Variants in SOX6 observed in about 807,000 individuals in gnomAD.
SOX6 encodes the protein SRY-box transcription factor 6.
In SOX6, 11 loss-of-function variants were observed where a neutral mutation model predicts 97.8. The ratio of observed to expected loss-of-function variants is 0.11; its 90% CI spans 0.07 to 0.19. SOX6 has a LOEUF of 0.19. Among genes scored for constraint, SOX6 ranks in the 10% least tolerant of loss-of-function variants. SOX6 has a pLI of 1.00. For missense variants in SOX6, 810 were observed against 1,039.5 expected, an observed-to-expected ratio of 0.78 and a Z score of 3.04; for synonymous variants, 360 against 371.4, an observed-to-expected ratio of 0.97 and a Z score of 0.35.
intron 4 of SOX6, among the ~76,000 whole-genome samples, chr11:16,567,733 A>ATTTTTTTTT (rs58565035): frequency 7.7e-6 from 1 of 129,634 alleles, no homozygotes; most frequent in Non-Finnish European, 1.6e-5. Flanking sequence ...CGCCTGGCTG[A>ATTTTTTTTT]TTTTTTTTTT....
chr11:16,584,467 C>T (rs1296589182), intron 4 of SOX6, among the ~76,000 whole-genome samples: 2 of 152,196 alleles, frequency 1.3e-5, no homozygotes, highest in Non-Finnish European at 2.9e-5. Context: ...CAGCTGCCCA[C>T]TCAAATAGCA....
rs1386555897 is a variant in SOX6 at position 15,979,327 on chromosome 11, C to A, written c.2184-6215G>T. ...CCCATCTACTTCTTACCACCTCCAC[C>A]CCTACAAACCTGGAACAAACCACCA... On this transcript the variant is annotated intron_variant, in intron 15 of 15. Transcript: ENST00000683767. Among the ~76,000 whole-genome samples, 748 of 151,984 alleles carry A rather than the reference C, an allele frequency of 4.9e-3. 8 individuals are homozygous for A. The South Asian group carries it at 0.051, about 10-fold the overall frequency.
chr11:16,548,473 A>T (rs1402673169), intron 4 of SOX6, among the ~76,000 whole-genome samples: 1 of 152,178 alleles, frequency 6.6e-6, no homozygotes, highest in Non-Finnish European at 1.5e-5. Context: ...AAATGAAGCC[A>T]CAATGGGCCA....
chr11:16,562,048 T>C (rs1847821432), intron 4 of SOX6, among the ~76,000 whole-genome samples: 1 of 152,180 alleles, frequency 6.6e-6, no homozygotes, highest in African/African-American at 2.4e-5. Context: ...TTTTTCACTC[T>C]AATTCTCACA....
intron 3 of SOX6, among the ~76,000 whole-genome samples, chr11:16,251,865 A>C (rs1168579993): frequency 3.9e-5 from 6 of 152,312 alleles, no homozygotes; most frequent in African/African-American, 1.4e-4. Context: ...TTATTCCAGG[A>C]ATGCGAAGTT....
At chr11:16,697,558 C>T (rs560747443) in intron 3 of SOX6, among the ~76,000 whole-genome samples, 141 of 152,226 alleles carry the variant, frequency 9.3e-4, no homozygotes, top group African/African-American at 3.3e-3. Flanking sequence ...TGCTTGAAGC[C>T]GAGATCGCTT....
chr11:16,376,608 T>C (rs1164608153), intron 1 of SOX6, among the ~76,000 whole-genome samples: 1 of 152,248 alleles, frequency 6.6e-6, no homozygotes, highest in East Asian at 1.9e-4. Context: ...AATTGAGTTT[T>C]AAAATCATAG....
intron 4 of SOX6, among the ~76,000 whole-genome samples, chr11:16,217,340 T>C (rs942869946): frequency 2.4e-4 from 37 of 152,158 alleles, no homozygotes; most frequent in Non-Finnish European, 7.4e-5. Context: ...TGAGTAAAAA[T>C]GTGTTCCTGG....
intron 3 of SOX6, among the ~76,000 whole-genome samples, chr11:16,680,876 T>C (rs753465425): frequency 2.6e-4 from 39 of 152,154 alleles, no homozygotes; most frequent in Admixed American, 4.6e-4. Flanking sequence ...CATTACATCA[T>C]GGTAAAGGGA....
intron 1 of SOX6, among the ~76,000 whole-genome samples, chr11:16,410,025 T>G (rs886467204): frequency 6.6e-6 from 1 of 151,852 alleles, no homozygotes; most frequent in African/African-American, 2.4e-5. Flanking sequence ...TGGGGAGGAA[T>G]AGGGAGATGT....
intron 3 of SOX6, among the ~76,000 whole-genome samples, chr11:16,291,264 TATATATATATATAC>T (rs1854905299): frequency 2.0e-5 from 1 of 50,328 alleles, no homozygotes; most frequent in African/African-American, 7.3e-5. Flanking sequence ...TATATATATA[TATATATATATATAC>T]GAGGTGTTGT....
chr11:16,485,089 A>G (rs1267594969), intron 4 of SOX6, among the ~76,000 whole-genome samples: 1 of 152,172 alleles, frequency 6.6e-6, no homozygotes, highest in Non-Finnish European at 1.5e-5. Flanking sequence ...GAGAGGAGGA[A>G]TTATTGTGGC....
chr11:16,096,525 A>T (rs973098442), intron 8 of SOX6, among the ~76,000 whole-genome samples: 2 of 151,830 alleles, frequency 1.3e-5, no homozygotes, highest in Non-Finnish European at 2.9e-5. Context: ...AATGGGTTAC[A>T]TCTTTATAAC....
At chr11:16,625,153 C>G (rs912007889) in intron 3 of SOX6, among the ~76,000 whole-genome samples, 2 of 151,934 alleles carry the variant, frequency 1.3e-5, no homozygotes, top group Non-Finnish European at 2.9e-5. Context: ...TAGTTTTTTT[C>G]TTTTATCACT....
At chr11:16,707,939 G>A (rs1231217822) in intron 3 of SOX6, among the ~76,000 whole-genome samples, 1 of 152,040 alleles carries the variant, frequency 6.6e-6, no homozygotes, top group African/African-American at 2.4e-5. Flanking sequence ...AAAATAATCA[G>A]AGAGAAATAG....
chr11:16,716,848 GA>G (rs1848223119), intron 2 of SOX6, among the ~76,000 whole-genome samples: 2 of 151,904 alleles, frequency 1.3e-5, no homozygotes, highest in Admixed American at 1.3e-4. Flanking sequence ...CTCAAAAACA[GA>G]AAAAAATTAA....
At chr11:16,394,944 A>G (rs1472672452) in intron 1 of SOX6, among the ~76,000 whole-genome samples, 6 of 151,910 alleles carry the variant, frequency 3.9e-5, no homozygotes, top group African/African-American at 1.4e-4. Flanking sequence ...AAAAGCTGTT[A>G]AATGTTTTAT....
chr11:16,355,298 T>G lies in SOX6; in HGVS notation c.-5+796A>C, dbSNP rs148786803. Among the ~76,000 whole-genome samples, 245 of 152,132 alleles carry G rather than the reference T, an allele frequency of 1.6e-3. 1 individual carries two copies. Among genetic ancestry groups the G allele is most frequent in the African/African-American group, 5.5e-3 (229 of 41,546 alleles). On this transcript the variant is annotated intron_variant, in intron 1 of 15. Transcript: ENST00000683767. ...TTAATATTTTGAACTTTGACAGGCA[T>G]GATGGAAAACAAATTCAAGGTGTGT...
chr11:16,485,940 G>C (rs1590220249), intron 4 of SOX6, among the ~76,000 whole-genome samples: 1 of 24,976 alleles, frequency 4.0e-5, no homozygotes, highest in Non-Finnish European at 7.1e-5. Context: ...GGGGAGGGGA[G>C]AGGAGGGGAG....
Sources: gnomAD v4.1 joint callset for allele counts (sites outside exome capture counted in the v4.1 genomes callset) on GRCh38, gnomAD v4.1.1 for gene constraint, MANE v1.5 for transcripts, NCBI Gene and HGNC (gene_info 2026-07-23, HGNC 2026-07-21) for gene names.